The following WDFY4 variants were observed in gnomAD, a reference collection of about 807,000 sequenced individuals.
WDFY4 encodes WD repeat- and FYVE domain-containing protein 4.
Under a neutral mutation model 351.9 loss-of-function variants are expected in WDFY4, and 169 were observed. That is an observed-to-expected ratio of 0.48 (90% CI 0.42 to 0.55). The LOEUF is 0.55. Ranked by LOEUF, WDFY4 falls within the 20% of genes least tolerant of loss-of-function variation. WDFY4 has a pLI of 0.00. For synonymous variants in WDFY4, 1,622 were observed against 1,574.6 expected (o/e 1.03, Z -0.71); for missense variants, 3,803 against 3,935.6 (o/e 0.97, Z 0.90).
At chr10:48,705,025 A>T (rs1181614729) in intron 1 of WDFY4, among the ~76,000 whole-genome samples, 1 of 152,164 alleles carries the variant, frequency 6.6e-6, no homozygotes, top group Admixed American at 6.5e-5. Flanking sequence ...GGGTCTTGCC[A>T]CTTGGTCTAA....
intron 52 of WDFY4, among the ~76,000 whole-genome samples, chr10:48,958,006 C>T (rs542062220): frequency 9.2e-5 from 14 of 152,342 alleles, no homozygotes; most frequent in African/African-American, 3.4e-4. Context: ...CTGCAGAGAA[C>T]ACGCATGAGC....
intron 2 of WDFY4, among the ~76,000 whole-genome samples, chr10:48,711,541 G>T (rs1323954391): frequency 6.6e-6 from 1 of 152,162 alleles, no homozygotes; most frequent in African/African-American, 2.4e-5. Context: ...TTTCCCACCT[G>T]CATGGGCAGC....
intron 30 of WDFY4, among the ~76,000 whole-genome samples, chr10:48,812,184 T>C (rs942021673): frequency 2.8e-4 from 37 of 131,546 alleles, no homozygotes; most frequent in African/African-American, 1.4e-3. Context: ...CTTTTCTTTT[T>C]TTTTTGTTTT....
intron 19 of WDFY4, among the ~76,000 whole-genome samples, chr10:48,780,557 G>A (rs2066186468): frequency 6.6e-6 from 1 of 152,200 alleles, no homozygotes; most frequent in African/African-American, 2.4e-5. Flanking sequence ...ACACTAGAGT[G>A]GGCAGACACC....
intron 24 of WDFY4, chr10:48,801,619 G>A: frequency 5.0e-6 from 2 of 398,800 alleles, no homozygotes; most frequent in South Asian, 3.4e-5. Flanking sequence ...TTTGGGCAGT[G>A]GCTGTGCTTA....
chr10:48,886,241 C>T (rs886747883), intron 43 of WDFY4, among the ~76,000 whole-genome samples: 6 of 152,168 alleles, frequency 3.9e-5, no homozygotes, highest in African/African-American at 1.2e-4. Context: ...TAGAGAGTAT[C>T]CGGTTGACCT....
intron 2 of WDFY4, among the ~76,000 whole-genome samples, chr10:48,719,632 G>T (rs1473169270): frequency 6.6e-6 from 1 of 152,226 alleles, no homozygotes; most frequent in Non-Finnish European, 1.5e-5. Flanking sequence ...AAACAGGAGG[G>T]GCTGGGTGAG....
chr10:48,733,248 G>A (rs749869920), intron 9 of WDFY4, among the ~76,000 whole-genome samples: 1 of 152,172 alleles, frequency 6.6e-6, no homozygotes, highest in Non-Finnish European at 1.5e-5. Context: ...ATTGTTAAAT[G>A]TGTCTTGTTG....
intron 47 of WDFY4, among the ~76,000 whole-genome samples, chr10:48,903,767 G>A (rs1199027064): frequency 6.6e-6 from 1 of 152,210 alleles, no homozygotes; most frequent in African/African-American, 2.4e-5. Flanking sequence ...TTGGGCATAT[G>A]AATCTGGAGT....
At position 48,867,157 on chromosome 10, in the gene WDFY4, G is replaced by GA. The variant is rs934946935; in HGVS notation, c.6664-107dup. 31 of 323,678 alleles carry GA rather than the reference G, an allele frequency of 9.6e-5. No individual in the cohort carries two copies. The Admixed American group carries it at 2.0e-3, about 21-fold the overall frequency. 20.1% of individuals were successfully genotyped at this position (323,678 alleles called of 1,614,324 possible). On this transcript the variant is annotated intron_variant, in intron 39 of 61. Coordinates refer to ENST00000325239, the MANE Select transcript of WDFY4 (RefSeq NM_001394531.1). ...TGCACTCCATCCTGGGTGACAGAAT[G>GA]AGACTGTGTCTCAAAAAATAAAATA...
At chr10:48,760,602 T>A (rs983968639) in intron 13 of WDFY4, among the ~76,000 whole-genome samples, 162 bp downstream of exon 13, 1 of 152,214 alleles carries the variant, frequency 6.6e-6, no homozygotes, top group Non-Finnish European at 1.5e-5. Context: ...TACCAGGGTG[T>A]CCTGGACACT....
chr10:48,762,062 C>T (rs1000764077), intron 13 of WDFY4, among the ~76,000 whole-genome samples: 3 of 152,188 alleles, frequency 2.0e-5, no homozygotes, highest in Admixed American at 6.5e-5. Flanking sequence ...ACCTGGCACT[C>T]CCAGGAAGCA....
At chr10:48,843,043 A>T (rs1199947309) in intron 39 of WDFY4, among the ~76,000 whole-genome samples, 1 of 152,244 alleles carries the variant, frequency 6.6e-6, no homozygotes. Flanking sequence ...AGCTCCACGA[A>T]TCAATGGAAT....
At chr10:48,697,557 A>G (rs113892269) in intron 1 of WDFY4, among the ~76,000 whole-genome samples, 43 of 152,308 alleles carry the variant, frequency 2.8e-4, no homozygotes, top group Non-Finnish European at 5.4e-4. Context: ...TGTGCATCTA[A>G]CAAAGATGCA....
At chr10:48,810,808 C>T (rs1461712919) in intron 29 of WDFY4, 73 bp downstream of exon 29, 2 of 1,403,678 alleles carry the variant, frequency 1.4e-6, no homozygotes, top group African/African-American at 2.9e-5. Context: ...CAAGCCAGGC[C>T]CCTTCTTATT....
intron 19 of WDFY4, among the ~76,000 whole-genome samples, chr10:48,782,762 A>G (rs2066270042): frequency 6.6e-6 from 1 of 152,234 alleles, no homozygotes; most frequent in Non-Finnish European, 1.5e-5. Flanking sequence ...TTTATTGCCA[A>G]AGGAAACTTA....
chr10:48,823,597 A>C, intron 35 of WDFY4: 1 of 1,049,796 alleles, frequency 9.5e-7, no homozygotes, highest in Non-Finnish European at 1.2e-6. Context: ...CAACTCCAAG[A>C]GAGGAGAAAT....
chr10:48,734,695 C>T (rs543114130), intron 10 of WDFY4, among the ~76,000 whole-genome samples: 131 of 151,904 alleles, frequency 8.6e-4, no homozygotes, highest in African/African-American at 2.9e-3. Context: ...AAAGGTTCCC[C>T]GGAGGTGCTG....
At chr10:48,762,958 G>A (rs1211072598) in intron 13 of WDFY4, among the ~76,000 whole-genome samples, 1 of 152,188 alleles carries the variant, frequency 6.6e-6, no homozygotes, top group Admixed American at 6.5e-5. Context: ...GGTGAGAGAT[G>A]CCTATGGGGA....
Sources: gnomAD v4.1 joint callset for allele counts (sites outside exome capture counted in the v4.1 genomes callset) on GRCh38, gnomAD v4.1.1 for gene constraint, MANE v1.5 for transcripts, NCBI Gene and HGNC (gene_info 2026-07-23, HGNC 2026-07-21) for gene names.